Variants in TMEM117 observed in about 807,000 individuals in gnomAD.
TMEM117 encodes transmembrane protein 117.
A neutral mutation model predicts 52.4 loss-of-function variants in TMEM117; 27 were observed. That is an observed-to-expected ratio of 0.51 (90% CI 0.38 to 0.71). The LOEUF (loss-of-function observed/expected upper bound fraction) is 0.71, where lower values mean the gene tolerates loss of function less well. Ranked by LOEUF, TMEM117 falls within the 30% of genes least tolerant of loss-of-function variation. TMEM117 has a pLI of 0.00. For missense variants in TMEM117, 556 were observed against 630.5 expected, an observed-to-expected ratio of 0.88 and a Z score of 1.26; for synonymous variants, 215 against 206.3, an observed-to-expected ratio of 1.04 and a Z score of -0.36.
At chr12:43,944,462 A>G (rs1945096925) in intron 3 of TMEM117, 120 bp downstream of exon 3, 3 of 951,646 alleles carry the variant, frequency 3.2e-6, no homozygotes, top group Admixed American at 2.8e-5. Flanking sequence ...CCCTAAGAAG[A>G]AGGAGTATTT....
chr12:44,293,805 T>C (rs568950043), intron 5 of TMEM117, among the ~76,000 whole-genome samples: 1 of 152,160 alleles, frequency 6.6e-6, no homozygotes, highest in Non-Finnish European at 1.5e-5. Context: ...TTTTGTTTCT[T>C]AACTTTTACT....
chr12:44,355,915 G>A (rs1951641355), intron 6 of TMEM117, among the ~76,000 whole-genome samples: 1 of 152,068 alleles, frequency 6.6e-6, no homozygotes, highest in Admixed American at 6.6e-5. Flanking sequence ...ACTGGAGGGA[G>A]ACTGTTTCAT....
chr12:44,124,420 C>A (rs985790111), intron 3 of TMEM117, among the ~76,000 whole-genome samples: 8 of 152,120 alleles, frequency 5.3e-5, no homozygotes, highest in African/African-American at 1.9e-4. Context: ...ACTGCCCTGG[C>A]CAGAACATTC....
At chr12:44,300,914 T>C (rs1163730841) in intron 6 of TMEM117, among the ~76,000 whole-genome samples, 1 of 152,196 alleles carries the variant, frequency 6.6e-6, no homozygotes, top group African/African-American at 2.4e-5. Context: ...GGACGTCCCA[T>C]GGGTATCTAC....
At chr12:44,335,670 G>A (rs1951331901) in intron 6 of TMEM117, among the ~76,000 whole-genome samples, 1 of 151,884 alleles carries the variant, frequency 6.6e-6, no homozygotes, top group South Asian at 2.1e-4. Context: ...CATAATCTTG[G>A]TAAAGACATG....
chr12:44,386,345 C>T (rs539690086), intron 7 of TMEM117, among the ~76,000 whole-genome samples: 16 of 152,192 alleles, frequency 1.1e-4, no homozygotes, highest in South Asian at 1.0e-3. Context: ...CAGCACCAGA[C>T]GCTATAGATA....
At chr12:43,845,095 T>G in intron 2 of TMEM117, 167 bp downstream of exon 2, 1 of 691,718 alleles carries the variant, frequency 1.4e-6, no homozygotes, top group Admixed American at 3.4e-5. Flanking sequence ...TACTCTCTGT[T>G]AATGGTTTAC....
At chr12:44,265,432 C>G (rs1001437407) in intron 5 of TMEM117, among the ~76,000 whole-genome samples, 1 of 152,042 alleles carries the variant, frequency 6.6e-6, no homozygotes, top group Non-Finnish European at 1.5e-5. Flanking sequence ...CTCTGTGGAG[C>G]ATGTATCATA....
chr12:43,859,863 A>G (rs1306757475), intron 2 of TMEM117, among the ~76,000 whole-genome samples: 2 of 152,226 alleles, frequency 1.3e-5, no homozygotes, highest in African/African-American at 2.4e-5. Flanking sequence ...AAAATTGGCA[A>G]CTTAAATTAT....
downstream of TMEM117, among the ~76,000 whole-genome samples, chr12:44,390,223 C>T (rs535214259): frequency 1.6e-4 from 24 of 152,014 alleles, no homozygotes; most frequent in South Asian, 4.4e-3. Flanking sequence ...CACACACACA[C>T]ACACACACAA....
intron 3 of TMEM117, among the ~76,000 whole-genome samples, chr12:43,987,574 T>C (rs957633802): frequency 3.3e-5 from 5 of 151,478 alleles, no homozygotes; most frequent in African/African-American, 7.3e-5. Flanking sequence ...CCCTTGGGAG[T>C]CTTATGTGCC....
chr12:43,942,025 A>C (rs1045712518), intron 2 of TMEM117, among the ~76,000 whole-genome samples: 4 of 152,222 alleles, frequency 2.6e-5, no homozygotes, highest in African/African-American at 9.6e-5. Flanking sequence ...ATCTTAAAGG[A>C]ACTCTAATTG....
chr12:43,866,995 C>G (rs1943612307), intron 2 of TMEM117, among the ~76,000 whole-genome samples: 1 of 151,798 alleles, frequency 6.6e-6, no homozygotes, highest in African/African-American at 2.4e-5. Flanking sequence ...GAGGTTGAAG[C>G]AGGAGAATCG....
intron 2 of TMEM117, among the ~76,000 whole-genome samples, chr12:43,933,216 T>C (rs1353342679): frequency 3.9e-5 from 6 of 152,218 alleles, no homozygotes; most frequent in African/African-American, 1.4e-4. Context: ...TTTTTTTTTT[T>C]TTCGAGACGG....
intron 6 of TMEM117, among the ~76,000 whole-genome samples, chr12:44,312,140 A>AATCCT (rs1950998587): frequency 6.6e-6 from 1 of 151,774 alleles, no homozygotes; most frequent in African/African-American, 2.4e-5. Context: ...GATGTTGATG[A>AATCCT]ATGATCCTAT....
chr12:44,354,526 G>A (rs927291670), intron 6 of TMEM117, among the ~76,000 whole-genome samples: 5 of 151,952 alleles, frequency 3.3e-5, no homozygotes, highest in Non-Finnish European at 5.9e-5. Flanking sequence ...ACAAAAATCA[G>A]TAAACATAAT....
At chr12:43,800,619 T>C in the TMEM117 span, 1 of 1,036,644 alleles carries the variant, frequency 9.6e-7, no homozygotes, top group Admixed American at 2.1e-5. Context: ...ATATCCTGAA[T>C]CACATTAAAA....
intron 4 of TMEM117, among the ~76,000 whole-genome samples, chr12:44,204,938 C>T (rs556931259): frequency 6.6e-6 from 1 of 152,196 alleles, no homozygotes; most frequent in South Asian, 2.1e-4. Flanking sequence ...AGATCTAAAA[C>T]TATAAAAACC....
chr12:44,245,544 A>G (rs1380931309), intron 5 of TMEM117, among the ~76,000 whole-genome samples: 1 of 147,910 alleles, frequency 6.8e-6, no homozygotes, highest in Non-Finnish European at 1.5e-5. Flanking sequence ...TATTGATTTT[A>G]TGTCCTGCAA....
Sources: gnomAD v4.1 joint callset for allele counts (sites outside exome capture counted in the v4.1 genomes callset) on GRCh38, gnomAD v4.1.1 for gene constraint, MANE v1.5 for transcripts, NCBI Gene and HGNC (gene_info 2026-07-23, HGNC 2026-07-21) for gene names.